The following ANO7 variants were observed in gnomAD, a reference collection of about 807,000 sequenced individuals.
The protein encoded by ANO7 is anoctamin 7.
A neutral mutation model predicts 115.8 loss-of-function variants in ANO7; 114 were observed. The ratio of observed to expected loss-of-function variants is 0.98; its 90% CI spans 0.85 to 1.15. The LOEUF is 1.15. ANO7 is among the 50% of genes most tolerant of loss of function. The pLI is 0.00. For synonymous variants in ANO7, 550 were observed against 498.2 expected, an observed-to-expected ratio of 1.10 and a Z score of -1.38; for missense variants, 1,302 against 1,201.2, an observed-to-expected ratio of 1.08 and a Z score of -1.24.
At position 241,225,367 on chromosome 2, in the gene ANO7, T is replaced by C. The variant is rs1181223986; in HGVS notation, c.*1214T>C. On this transcript the variant is annotated 3_prime_UTR_variant, in exon 25 of 25. Transcript: ENST00000674324. ...GGTGAAACCCTGTCTTTACTAAAAA[T>C]GCAAAAATTATTCTGGGTGTGGTGG... 1 of 151,858 alleles carries C rather than the reference T, an allele frequency of 6.6e-6. No homozygotes were observed. Among genetic ancestry groups the C allele is most frequent in the East Asian group, 1.9e-4 (1 of 5,174 alleles). 9.4% of individuals were successfully genotyped at this position (151,858 alleles called of 1,614,324 possible). A position where few individuals can be genotyped will look rare whatever the true frequency, so the allele number is the denominator to read the frequency against.
At chr2:241,214,088 T>C (rs2149238645) in intron 17 of ANO7, among the ~76,000 whole-genome samples, 1 of 152,122 alleles carries the variant, frequency 6.6e-6, no homozygotes, top group South Asian at 2.1e-4. Flanking sequence ...AGTTCGAGAA[T>C]AGCCTGGCCA....
At chr2:241,218,178 G>GGAGCGGGGGCGCGCA in intron 20 of ANO7, 61 bp from the exon 21 acceptor site, 2 of 1,086,970 alleles carry the variant, frequency 1.8e-6, no homozygotes, top group South Asian at 7.5e-5. Flanking sequence ...GCGCAGGGGC[G>GGAGCGGGGGCGCGCA]GAGCGGGGGC....
rs372280873 is a variant in ANO7 at position 241,204,973 on chromosome 2, G to T, written c.980+18G>T. On this transcript the variant is annotated intron_variant, in intron 10 of 24. Coordinates refer to ENST00000674324, the MANE Select transcript of ANO7 (RefSeq NM_001370694.2). ...ATACCCACGTGAGTGTTCCCTCTCC[G>T]CAGCTCTGGGGCCTGGTGCTGGGCC... is the stretch of plus-strand genomic sequence containing the variant. 2.5e-6 allele frequency: 4 copies of T among 1,610,572 alleles called. No individual in the cohort carries two copies. The highest frequency in any genetic ancestry group is 3.4e-6 in the Non-Finnish European group (4 of 1,177,076).
chr2:241,236,488 G>C, the ANO7 span: 1 of 930,848 alleles, frequency 1.1e-6, no homozygotes, highest in Admixed American at 2.0e-5. Context: ...CACGGTAGGA[G>C]CAAGAGGGCT....
At chr2:241,236,948 C>G in the ANO7 span, among the ~76,000 whole-genome samples, 1 of 145,056 alleles carries the variant, frequency 6.9e-6, no homozygotes, top group African/African-American at 2.6e-5. Context: ...GACGTCCCCA[C>G]AGCAGCCTCA....
At chr2:241,226,039 CA>C (rs145689884), downstream of ANO7, among the ~76,000 whole-genome samples, 2,854 of 152,220 alleles carry the variant, frequency 0.019, 93 homozygotes, top group African/African-American at 0.066. Flanking sequence ...TCCAGGTGAA[CA>C]AACTGTTGTA....
At chr2:241,226,100 C>T (rs1177508446), downstream of ANO7, among the ~76,000 whole-genome samples, 1 of 152,028 alleles carries the variant, frequency 6.6e-6, no homozygotes, top group Non-Finnish European at 1.5e-5. Context: ...CGTGGAAGCT[C>T]CCCGATGCCC....
At chr2:241,239,478 C>A in the ANO7 span, 1 of 745,258 alleles carries the variant, frequency 1.3e-6, no homozygotes, top group East Asian at 2.5e-5. The surrounding 1 kb of genome is among the most constrained non-coding windows in gnomAD (Gnocchi z 4.6). Context: ...AAAGCCCCTT[C>A]TGAAGCCTTC....
At chr2:241,204,995 G>A (rs775465142) in intron 10 of ANO7, 40 bp downstream of exon 10, 2 of 1,579,882 alleles carry the variant, frequency 1.3e-6, no homozygotes, top group Non-Finnish European at 1.7e-6. Context: ...CCTGGTGCTG[G>A]GCCTCCAGAT....
Position 241,217,824 on chromosome 2 carries a change from G to C in ANO7, c.2111G>C (p.Arg704Pro). The C allele has an allele frequency of 6.2e-7, 1 of 1,609,660 alleles. No homozygotes were observed. Among genetic ancestry groups the C allele is most frequent in the Non-Finnish European group, 8.5e-7 (1 of 1,178,902 alleles). The part of the protein sequence containing the change: ...VCEYRRPVAE[R>P]AQDIGIWFHI... ...GAGTACCGGCGCCCGGTGGCCGAGCGCGCCCAGGACATCGGCATCTGGTTC... is the reference window on the plus strand; with the variant it reads ...GAGTACCGGCGCCCGGTGGCCGAGCCCGCCCAGGACATCGGCATCTGGTTC... Residue 704 changes from arginine to proline, a missense_variant, in exon 20 of 25, where the codon CGC becomes CCC. Transcript: ENST00000674324.
rs781489203 is a variant in ANO7, at chr2:241,210,406, T to C, written c.1458+13T>C. The C allele has an allele frequency of 2.5e-6, 4 of 1,613,972 alleles. No individual in the cohort carries two copies. The African/African-American group carries it at 5.3e-5, about 21-fold the overall frequency. On this transcript the variant is annotated intron_variant, in intron 14 of 24. Transcript: ENST00000674324. ...TCTCGCAGCCTGGGTGAGCCTCTGC[T>C]GCCTGCCTCGGGGGGCCCTGAGCGG...
intron 23 of ANO7, 44 bp from the exon 24 acceptor site, chr2:241,223,859 ACT>A: frequency 1.2e-6 from 2 of 1,613,646 alleles, no homozygotes; most frequent in Non-Finnish European, 1.7e-6. Context: ...ACCTCCGGAC[ACT>A]GAGTCACATC....
rs746511997 is a variant in ANO7, at chr2:241,200,152, G to A, written c.481G>A (p.Val161Ile). The A allele has an allele frequency of 1.4e-5, 22 of 1,613,166 alleles. No individual in the cohort carries two copies. In the East Asian group the frequency reaches 3.6e-4, roughly 26 times the overall value. Reference sequence around the variant, plus strand: ...GCTGGCATGGCTGGGCATCCCCAACGTCCTGCTGGAGGTTGTGCCAGACGT... The same window carrying A: ...GCTGGCATGGCTGGGCATCCCCAACATCCTGCTGGAGGTTGTGCCAGACGT... ...GLLAWLGIPN[V>I]LLEVVPDVPP... The change falls in exon 6 of 25, where the codon GTC (valine) becomes ATC (isoleucine). Residue 161 changes from valine to isoleucine, a missense_variant. Transcript: ENST00000674324.
intron 11 of ANO7, among the ~76,000 whole-genome samples, chr2:241,208,196 G>A (rs1312150564): frequency 4.6e-5 from 7 of 152,296 alleles, no homozygotes; most frequent in Middle Eastern, 3.4e-3. Flanking sequence ...TGGGCCAGAC[G>A]CCGTTTGACC....
rs754296069 is a variant in ANO7 at position 241,199,374 on chromosome 2, C to T, written c.368C>T (p.Ala123Val). The change falls in exon 5 of 25, where the codon GCT (alanine) becomes GTT (valine). Residue 123 changes from alanine (A) to valine (V), a missense_variant. Transcript: ENST00000674324. ...TACGCCCTCCTCAGCGCCTCCTGGG[C>T]TGTGCTCTGCTACTACGCCGAAGAC... ...VHYALLSASW[A>V]VLCYYAEDLR... is the part of the protein sequence containing the mutation. The T allele has an allele frequency of 1.1e-5, 17 of 1,613,752 alleles. No individual in the cohort carries two copies. The highest frequency in any genetic ancestry group is 3.3e-4 in the Middle Eastern group (2 of 6,084).
chr2:241,214,732 T>G, intron 17 of ANO7, 73 bp from the exon 18 acceptor site: 1 of 1,431,004 alleles, frequency 7.0e-7, no homozygotes, highest in Non-Finnish European at 9.6e-7. Context: ...AGGGCCAGCT[T>G]TGAGACAAGA....
chr2:241,205,127 C>T (rs953787381), intron 10 of ANO7, among the ~76,000 whole-genome samples, 172 bp downstream of exon 10: 5 of 152,020 alleles, frequency 3.3e-5, no homozygotes, highest in African/African-American at 9.7e-5. Flanking sequence ...GCCTTGTGGA[C>T]ATGGCTGAAA....
At chr2:241,224,017 C>T in intron 24 of ANO7, 62 bp downstream of exon 24, 1 of 1,613,442 alleles carries the variant, frequency 6.2e-7, no homozygotes, top group South Asian at 1.1e-5. Context: ...GGGCCCTGCC[C>T]AGCCGCCCAC....
chr2:241,230,659 A>C, downstream of ANO7: 1 of 1,038,580 alleles, frequency 9.6e-7, no homozygotes, highest in Non-Finnish European at 1.4e-6. This position sits in a 1 kb window ranked among gnomAD's most constrained non-coding sequence, Gnocchi z 5.0. Flanking sequence ...TTGTGGCCTC[A>C]TCATCTTGAG....
Sources: allele counts gnomAD v4.1 joint callset (sites outside exome capture counted in the v4.1 genomes callset), GRCh38; gene constraint gnomAD v4.1.1; non-coding constraint Gnocchi (gnomAD v3.1); transcripts MANE v1.5; gene names NCBI Gene and HGNC (gene_info 2026-07-23, HGNC 2026-07-21).